The following KCND3 variants were observed in gnomAD, a reference collection of about 807,000 sequenced individuals.
KCND3 encodes the protein potassium voltage-gated channel subfamily D member 3, also known as A-type voltage-gated potassium channel KCND3.
A neutral mutation model predicts 51.1 loss-of-function variants in KCND3; 9 were observed. The observed-to-expected ratio is 0.18, with a 90% CI of 0.11 to 0.31. KCND3 has a LOEUF of 0.31. Ranked by LOEUF, KCND3 falls within the 10% of genes least tolerant of loss-of-function variation. The pLI is 1.00. For synonymous variants in KCND3, 349 were observed against 368.0 expected (o/e 0.95, Z 0.59); for missense variants, 526 against 903.8 (o/e 0.58, Z 5.36).
At chr1:111,853,337 T>A (rs1404815756) in intron 2 of KCND3, among the ~76,000 whole-genome samples, 3 of 152,120 alleles carry the variant, frequency 2.0e-5, no homozygotes, top group Non-Finnish European at 4.4e-5. Flanking sequence ...TTAAATGAAA[T>A]CTTGTATGTG....
At chr1:111,954,660 G>A (rs542087568) in intron 2 of KCND3, among the ~76,000 whole-genome samples, 1 of 152,332 alleles carries the variant, frequency 6.6e-6, no homozygotes, top group Non-Finnish European at 1.5e-5. Flanking sequence ...TCACTCTGCT[G>A]TACAATTTCT....
intron 2 of KCND3, among the ~76,000 whole-genome samples, chr1:111,826,945 T>C (rs1225111340): frequency 6.6e-6 from 1 of 152,182 alleles, no homozygotes; most frequent in Non-Finnish European, 1.5e-5. Flanking sequence ...ATTTTGGACT[T>C]CTTTAGATTT....
chr1:111,869,710 T>G (rs1668746679), intron 2 of KCND3, among the ~76,000 whole-genome samples: 1 of 152,252 alleles, frequency 6.6e-6, no homozygotes, highest in Admixed American at 6.5e-5. Context: ...ATTAGCCTGC[T>G]TTCACAGATG....
chr1:111,867,537 G>A (rs1237995381), intron 2 of KCND3, among the ~76,000 whole-genome samples: 2 of 152,136 alleles, frequency 1.3e-5, no homozygotes, highest in African/African-American at 2.4e-5. Context: ...TTTCCCTATG[G>A]GAACACCTGT....
chr1:111,924,876 G>T (rs1353475580), intron 2 of KCND3, among the ~76,000 whole-genome samples: 1 of 152,218 alleles, frequency 6.6e-6, no homozygotes, highest in African/African-American at 2.4e-5. Flanking sequence ...ACCTGGGAGG[G>T]AAGCCAGACC....
rs1380750494 is a variant in KCND3, at chr1:111,866,273, T to A, written c.1107-79167A>T. Among the ~76,000 whole-genome samples the A allele has an allele frequency of 5.4e-5, 8 of 148,082 alleles. No individual in the cohort carries two copies. In the East Asian group the frequency reaches 9.8e-4, roughly 18 times the overall value. On this transcript the variant is annotated intron_variant, in intron 2 of 7. Transcript: ENST00000302127. The stretch of plus-strand genomic sequence containing the variant: ...TCTTTCTTTTCTTTTCTTTTTTTTT[T>A]TTTTTTTGACAAGGTCTGGCTCTGT...
intron 2 of KCND3, among the ~76,000 whole-genome samples, chr1:111,832,285 G>A (rs1346217728): frequency 6.6e-6 from 1 of 152,212 alleles, no homozygotes; most frequent in African/African-American, 2.4e-5. Flanking sequence ...CAATGGTGAA[G>A]AACCTATGGT....
intron 2 of KCND3, among the ~76,000 whole-genome samples, chr1:111,941,061 A>T (rs571916768): frequency 2.0e-5 from 3 of 152,308 alleles, no homozygotes; most frequent in Admixed American, 6.5e-5. Flanking sequence ...GCAGCGGGGC[A>T]GGAGGGGAAG....
At chr1:111,935,298 G>A (rs1035190628) in intron 2 of KCND3, among the ~76,000 whole-genome samples, 1 of 152,132 alleles carries the variant, frequency 6.6e-6, no homozygotes. Context: ...CATGCTCCCT[G>A]GCTTGATGGC....
intron 2 of KCND3, among the ~76,000 whole-genome samples, chr1:111,942,129 A>G (rs1005667788): frequency 5.9e-5 from 9 of 152,180 alleles, no homozygotes; most frequent in African/African-American, 2.2e-4. Flanking sequence ...GAAATAGCAC[A>G]TGTTCATTGG....
chr1:111,879,883 T>C (rs60200527), intron 2 of KCND3, among the ~76,000 whole-genome samples: 5,360 of 152,252 alleles, frequency 0.035, 301 homozygotes, highest in African/African-American at 0.12. Context: ...TGCTCAGTGA[T>C]GGTGTCTGGG....
In KCND3 at chr1:111,791,035, G is replaced by A. The variant is rs570755382; in HGVS notation, c.1107-3929C>T. ...CTGAATAATGCTGCTATGAACATTT[G>A]TGTACAAGTTTTTGTGTGGACACGT... is the stretch of plus-strand genomic sequence containing the variant. On this transcript the variant is annotated intron_variant, in intron 2 of 7. Transcript: ENST00000302127. Among the ~76,000 whole-genome samples, 70 of 152,316 alleles carry A rather than the reference G, an allele frequency of 4.6e-4. 2 individuals carry two copies. Among genetic ancestry groups the A allele is most frequent in the Middle Eastern group, 3.4e-3 (1 of 294 alleles).
chr1:111,801,047 C>T (rs1017021008), intron 2 of KCND3, among the ~76,000 whole-genome samples: 9 of 152,220 alleles, frequency 5.9e-5, no homozygotes, highest in South Asian at 2.1e-4. Flanking sequence ...TCTCTTTCTC[C>T]GTATGTTCAC....
At chr1:111,781,172 T>C (rs76995961) in intron 3 of KCND3, among the ~76,000 whole-genome samples, 3,561 of 152,298 alleles carry the variant, frequency 0.023, 113 homozygotes, top group African/African-American at 0.08. Flanking sequence ...GTGTATGTGA[T>C]AGCTGCCCTG....
intron 2 of KCND3, among the ~76,000 whole-genome samples, chr1:111,840,150 A>G (rs1015252591): frequency 6.6e-6 from 1 of 152,130 alleles, no homozygotes; most frequent in African/African-American, 2.4e-5. Context: ...GAAGGAAACT[A>G]ATCCCATTCA....
At chr1:111,902,649 A>G (rs780402041) in intron 2 of KCND3, among the ~76,000 whole-genome samples, 32 of 152,232 alleles carry the variant, frequency 2.1e-4, no homozygotes, top group Admixed American at 1.0e-3. Flanking sequence ...TTGGATTCCA[A>G]TCTGAACTTT....
intron 7 of KCND3, 151 bp from the exon 8 acceptor site, chr1:111,776,429 T>C (rs990351572): frequency 1.3e-5 from 10 of 799,188 alleles, no homozygotes; most frequent in Non-Finnish European, 2.1e-5. Context: ...TAATTATCCA[T>C]TCTAATTATT....
intron 2 of KCND3, among the ~76,000 whole-genome samples, chr1:111,848,218 G>A (rs1428450123): frequency 6.6e-6 from 1 of 152,224 alleles, no homozygotes; most frequent in Non-Finnish European, 1.5e-5. Flanking sequence ...GAAGGGAGCT[G>A]GATCTTGGGC....
intron 2 of KCND3, among the ~76,000 whole-genome samples, chr1:111,887,325 C>T (rs370090071): frequency 2.0e-5 from 3 of 151,980 alleles, no homozygotes; most frequent in African/African-American, 4.8e-5. Context: ...TGGCAGGGTG[C>T]GGGTGGAGAG....
Sources: gnomAD v4.1 joint callset for allele counts (sites outside exome capture counted in the v4.1 genomes callset) on GRCh38, gnomAD v4.1.1 for gene constraint, MANE v1.5 for transcripts, NCBI Gene and HGNC (gene_info 2026-07-23, HGNC 2026-07-21) for gene names.